Variants in RBMS3 observed in about 807,000 individuals in gnomAD.
RBMS3 encodes RNA binding motif single stranded interacting protein 3.
RBMS3 carries 27 observed loss-of-function variants against 66.8 expected under a neutral mutation model. The ratio of observed to expected loss-of-function variants is 0.40; its 90% CI spans 0.30 to 0.56. The LOEUF (loss-of-function observed/expected upper bound fraction) is 0.56, where lower values mean the gene tolerates loss of function less well. Among genes scored for constraint, RBMS3 ranks in the 20% least tolerant of loss-of-function variants. RBMS3 has a pLI of 0.40. For synonymous variants in RBMS3, 188 were observed against 183.0 expected (o/e 1.03, Z -0.22); for missense variants, 513 against 549.5 (o/e 0.93, Z 0.66).
chr3:29,325,695 CTGGTATAGT>C (rs2035297256), intron 1 of RBMS3, among the ~76,000 whole-genome samples: 1 of 151,458 alleles, frequency 6.6e-6, no homozygotes, highest in East Asian at 1.9e-4. Context: ...TTTGACATGA[CTGGTATAGT>C]TATCCAAACT....
At chr3:29,634,652 T>C (rs548325654) in intron 4 of RBMS3, among the ~76,000 whole-genome samples, 20 of 151,988 alleles carry the variant, frequency 1.3e-4, no homozygotes, top group African/African-American at 4.8e-4. Flanking sequence ...TTTACTGAAT[T>C]ATTCCCCCTT....
intron 1 of RBMS3, among the ~76,000 whole-genome samples, chr3:29,312,116 C>A (rs146891809): frequency 3.3e-5 from 5 of 151,864 alleles, no homozygotes; most frequent in African/African-American, 9.6e-5. Context: ...GAAGGCAGGA[C>A]AACTGTTTAA....
chr3:30,002,371 AAAG>A (rs573106052), intron 14 of RBMS3, among the ~76,000 whole-genome samples: 3 of 151,884 alleles, frequency 2.0e-5, no homozygotes, highest in Non-Finnish European at 4.4e-5. Flanking sequence ...GAGTGAGAAC[AAAG>A]AACAGACTCT....
chr3:29,818,231 T>C (rs924180547), intron 6 of RBMS3, among the ~76,000 whole-genome samples: 2 of 152,132 alleles, frequency 1.3e-5, no homozygotes, highest in African/African-American at 4.8e-5. Context: ...ACCTAAGAAG[T>C]TGTGTAACTT....
intron 2 of RBMS3, among the ~76,000 whole-genome samples, chr3:29,487,712 C>T (rs925060781): frequency 6.6e-6 from 1 of 152,052 alleles, no homozygotes; most frequent in Admixed American, 6.6e-5. Flanking sequence ...ATAAAGAAGA[C>T]AATATTATCC....
At chr3:29,708,797 G>A (rs1207483483) in intron 4 of RBMS3, among the ~76,000 whole-genome samples, 1 of 152,198 alleles carries the variant, frequency 6.6e-6, no homozygotes, top group Non-Finnish European at 1.5e-5. Context: ...TGAAGGATGT[G>A]TGACACTGAC....
chr3:29,844,788 A>C (rs2058740255), intron 6 of RBMS3, among the ~76,000 whole-genome samples: 1 of 152,222 alleles, frequency 6.6e-6, no homozygotes, highest in Non-Finnish European at 1.5e-5. Context: ...GAAGTTAAGG[A>C]ATTAAATGAG....
intron 1 of RBMS3, among the ~76,000 whole-genome samples, chr3:29,425,062 G>T (rs1479175043): frequency 6.6e-6 from 1 of 151,598 alleles, no homozygotes; most frequent in African/African-American, 2.4e-5. Context: ...AGCTAGGGGA[G>T]GCCAAGCGCG....
chr3:29,799,118 G>T (rs922254799), intron 6 of RBMS3, among the ~76,000 whole-genome samples: 2 of 152,076 alleles, frequency 1.3e-5, no homozygotes, highest in African/African-American at 4.8e-5. Context: ...AATGGTCAAT[G>T]CCTCTCAGTC....
In RBMS3 at chr3:29,381,475, A is replaced by G. The variant is rs191093796; in HGVS notation, c.76-53268A>G. Reference sequence around the variant, plus strand: ...TTTTGAGGTTTGGATAGATCCCTGTACTGTTATTATCCTGAAGTAGGGGTG... The same window carrying G: ...TTTTGAGGTTTGGATAGATCCCTGTGCTGTTATTATCCTGAAGTAGGGGTG... On this transcript the variant is annotated intron_variant, in intron 1 of 14. Transcript: ENST00000383767. Among the ~76,000 whole-genome samples the G allele has an allele frequency of 8.5e-5, 13 of 152,272 alleles. 1 individual carries two copies. In the East Asian group the frequency reaches 1.4e-3, roughly 16 times the overall value.
chr3:29,678,748 G>T (rs532148725), intron 4 of RBMS3, among the ~76,000 whole-genome samples: 5 of 152,182 alleles, frequency 3.3e-5, no homozygotes, highest in African/African-American at 1.2e-4. Context: ...ACTGGAGAAG[G>T]CTACGGGATA....
At chr3:29,588,944 A>T (rs891496992) in intron 4 of RBMS3, among the ~76,000 whole-genome samples, 3 of 152,064 alleles carry the variant, frequency 2.0e-5, no homozygotes, top group African/African-American at 7.2e-5. Context: ...AAAAGTTGTT[A>T]TTGGAATTTC....
intron 12 of RBMS3, among the ~76,000 whole-genome samples, chr3:29,955,414 G>T (rs138644354): frequency 3.2e-4 from 48 of 152,092 alleles, no homozygotes; most frequent in African/African-American, 1.0e-3. Flanking sequence ...CAAAGTCACT[G>T]CCACTCATAC....
At chr3:29,737,273 C>T (rs2054425653) in intron 4 of RBMS3, among the ~76,000 whole-genome samples, 1 of 152,100 alleles carries the variant, frequency 6.6e-6, no homozygotes, top group Non-Finnish European at 1.5e-5. Flanking sequence ...CTGCGCCCGG[C>T]CTACAAAGTT....
chr3:29,591,757 C>T (rs2047747057), intron 4 of RBMS3, among the ~76,000 whole-genome samples: 1 of 152,130 alleles, frequency 6.6e-6, no homozygotes, highest in African/African-American at 2.4e-5. Context: ...TGCTTTCTGT[C>T]GATTCCAAAT....
At chr3:29,892,466 C>G (rs559054931) in intron 8 of RBMS3, among the ~76,000 whole-genome samples, 25 of 151,544 alleles carry the variant, frequency 1.6e-4, no homozygotes, top group Non-Finnish European at 2.2e-4. Context: ...GTAGCTCCCC[C>G]CTCTCCTCCA....
chr3:29,935,404 T>TA lies in RBMS3; in HGVS notation c.940-673dup, dbSNP rs887984822. On this transcript the variant is annotated intron_variant, in intron 10 of 14. Transcript: ENST00000383767. Reference sequence around the variant, plus strand: ...ATTTAAAAGTTGACACTTTTATTTTTAAAAAAAAATTGTGGATGGACATAA... The same window carrying TA: ...ATTTAAAAGTTGACACTTTTATTTTTAAAAAAAAAATTGTGGATGGACATAA... Among the ~76,000 whole-genome samples the TA allele has an allele frequency of 1.2e-4, 18 of 151,874 alleles. No individual in the cohort carries two copies. In the East Asian group the frequency reaches 1.7e-3, roughly 15 times the overall value.
At chr3:29,679,025 C>A (rs1428120995) in intron 4 of RBMS3, among the ~76,000 whole-genome samples, 3 of 152,008 alleles carry the variant, frequency 2.0e-5, no homozygotes, top group Non-Finnish European at 2.9e-5. Flanking sequence ...ATGGTTTGAG[C>A]AAGCACTGCT....
At chr3:29,458,902 T>A (rs2079113373) in intron 2 of RBMS3, among the ~76,000 whole-genome samples, 1 of 152,234 alleles carries the variant, frequency 6.6e-6, no homozygotes, top group Admixed American at 6.5e-5. Flanking sequence ...CATTTAGTGT[T>A]ATATCTTCTT....
Sources: gnomAD v4.1 joint callset for allele counts (sites outside exome capture counted in the v4.1 genomes callset) on GRCh38, gnomAD v4.1.1 for gene constraint, MANE v1.5 for transcripts, NCBI Gene and HGNC (gene_info 2026-07-23, HGNC 2026-07-21) for gene names.